The following KIAA1217 variants were observed in gnomAD, a reference collection of about 807,000 sequenced individuals.
KIAA1217 encodes the protein KIAA1217.
In KIAA1217, 88 loss-of-function variants were observed where a neutral mutation model predicts 163.9. The observed-to-expected ratio is 0.54, with a 90% CI of 0.45 to 0.64. The LOEUF is 0.64. KIAA1217 is among the 30% of genes least tolerant of loss of function. KIAA1217 has a pLI of 0.00. For missense variants in KIAA1217, 2,372 were observed against 2,475.0 expected (o/e 0.96, Z 0.88); for synonymous variants, 903 against 923.1 (o/e 0.98, Z 0.39).
intron 3 of KIAA1217, among the ~76,000 whole-genome samples, chr10:24,393,820 C>T (rs2055333219): frequency 6.6e-6 from 1 of 152,194 alleles, no homozygotes; most frequent in African/African-American, 2.4e-5. Context: ...CAGCTGACAC[C>T]TTGATCAAAA....
chr10:23,935,518 T>C (rs1843489576), intron 1 of KIAA1217, among the ~76,000 whole-genome samples: 1 of 152,238 alleles, frequency 6.6e-6, no homozygotes. Flanking sequence ...ACTAGATGAT[T>C]GTATCTCTCA....
chr10:24,387,303 C>A (rs1355751481), intron 3 of KIAA1217, among the ~76,000 whole-genome samples: 2 of 152,132 alleles, frequency 1.3e-5, no homozygotes, highest in African/African-American at 2.4e-5. Context: ...AAGACAAAAA[C>A]CACATGATTA....
chr10:23,873,420 A>G (rs1304910328), intron 1 of KIAA1217, among the ~76,000 whole-genome samples: 1 of 152,086 alleles, frequency 6.6e-6, no homozygotes. Context: ...TACCTCTTCC[A>G]TGAAAATGCC....
chr10:23,763,467 C>A (rs1834363209), intron 1 of KIAA1217, among the ~76,000 whole-genome samples: 7 of 152,142 alleles, frequency 4.6e-5, no homozygotes, highest in Admixed American at 4.6e-4. Flanking sequence ...CACACATTTA[C>A]AACCATCTGA....
At chr10:23,956,650 G>T (rs1166887712) in intron 1 of KIAA1217, among the ~76,000 whole-genome samples, 3 of 152,142 alleles carry the variant, frequency 2.0e-5, no homozygotes, top group Non-Finnish European at 1.5e-5. Context: ...CTGGGCCACG[G>T]TTCTTCAGGC....
At chr10:23,771,033 C>T (rs1256508649) in intron 1 of KIAA1217, among the ~76,000 whole-genome samples, 1 of 152,140 alleles carries the variant, frequency 6.6e-6, no homozygotes, top group Non-Finnish European at 1.5e-5. Context: ...TCATCAAGAT[C>T]TTGGAAGCTG....
At chr10:24,062,297 C>A (rs560713639) in intron 2 of KIAA1217, among the ~76,000 whole-genome samples, 2 of 105,100 alleles carry the variant, frequency 1.9e-5, no homozygotes, top group African/African-American at 7.5e-5. Flanking sequence ...CCTCCCCCCA[C>A]CCCACAACCA....
chr10:23,779,630 T>C (rs1315701103), intron 1 of KIAA1217, among the ~76,000 whole-genome samples: 2 of 152,214 alleles, frequency 1.3e-5, no homozygotes, highest in Non-Finnish European at 2.9e-5. Context: ...CTACTGTGTA[T>C]TGAATATTAA....
At chr10:24,234,211 T>G (rs2071854216) in intron 2 of KIAA1217, among the ~76,000 whole-genome samples, 1 of 151,956 alleles carries the variant, frequency 6.6e-6, no homozygotes, top group African/African-American at 2.4e-5. Flanking sequence ...TTTCAGATTT[T>G]GGATTTTTGG....
chr10:23,789,141 G>T (rs1835621767), intron 1 of KIAA1217, among the ~76,000 whole-genome samples: 2 of 152,176 alleles, frequency 1.3e-5, no homozygotes, highest in Non-Finnish European at 2.9e-5. Context: ...AGTGAAAAGA[G>T]AAATAACTTC....
chr10:24,259,512 G>A (rs2075512815), intron 2 of KIAA1217, among the ~76,000 whole-genome samples: 1 of 152,208 alleles, frequency 6.6e-6, no homozygotes, highest in African/African-American at 2.4e-5. Context: ...CTACTCCAGA[G>A]GCTAAGGTGG....
chr10:24,055,921 G>A (rs2131590678), intron 2 of KIAA1217, among the ~76,000 whole-genome samples: 1 of 151,488 alleles, frequency 6.6e-6, no homozygotes, highest in East Asian at 1.9e-4. Context: ...TTCAGAGAAT[G>A]CCCTTGCAGA....
chr10:24,333,798 G>T (rs933268975), intron 2 of KIAA1217, among the ~76,000 whole-genome samples: 3 of 152,196 alleles, frequency 2.0e-5, no homozygotes, highest in Admixed American at 6.5e-5. Flanking sequence ...TGGTTAAAAG[G>T]TTGGGGAAAA....
At chr10:23,843,885 A>G (rs552143523) in intron 1 of KIAA1217, among the ~76,000 whole-genome samples, 3 of 152,286 alleles carry the variant, frequency 2.0e-5, no homozygotes, top group African/African-American at 7.2e-5. Flanking sequence ...TGAGGGTCTT[A>G]ACATTCCGTA....
chr10:24,502,104 T>C (rs1024898947), intron 9 of KIAA1217, among the ~76,000 whole-genome samples: 1 of 152,008 alleles, frequency 6.6e-6, no homozygotes, highest in Non-Finnish European at 1.5e-5. Flanking sequence ...CTCTAGGGCA[T>C]TTGTTTTTGG....
intron 2 of KIAA1217, among the ~76,000 whole-genome samples, chr10:24,228,637 T>A (rs1396844584): frequency 6.6e-6 from 1 of 152,102 alleles, no homozygotes; most frequent in African/African-American, 2.4e-5. Flanking sequence ...CGCTCTTAAA[T>A]ATATTGGCCT....
intron 10 of KIAA1217, among the ~76,000 whole-genome samples, chr10:24,518,703 T>C (rs1271515691): frequency 1.3e-5 from 2 of 152,200 alleles, no homozygotes; most frequent in Admixed American, 6.5e-5. Flanking sequence ...CATATTTATT[T>C]AGAGCCCTTC....
intron 2 of KIAA1217, among the ~76,000 whole-genome samples, chr10:24,091,656 T>A (rs915569262): frequency 6.6e-6 from 1 of 151,766 alleles, no homozygotes; most frequent in Admixed American, 6.6e-5. Context: ...ATCATAAGAG[T>A]GTTTTTGTAG....
intron 1 of KIAA1217, among the ~76,000 whole-genome samples, chr10:23,942,603 C>A (rs1298950707): frequency 6.6e-6 from 1 of 152,142 alleles, no homozygotes; most frequent in Admixed American, 6.5e-5. Flanking sequence ...TACCCATCAA[C>A]AAATCTTAAG....
Sources: allele counts gnomAD v4.1 joint callset (sites outside exome capture counted in the v4.1 genomes callset), GRCh38; gene constraint gnomAD v4.1.1; transcripts MANE v1.5; gene names NCBI Gene and HGNC (gene_info 2026-07-23, HGNC 2026-07-21).